The following KIAA1549 variants were observed in gnomAD, a reference collection of about 807,000 sequenced individuals.
KIAA1549 encodes the protein UPF0606 protein KIAA1549.
KIAA1549 carries 70 observed loss-of-function variants against 156.4 expected under a neutral mutation model. That is an observed-to-expected ratio of 0.45 (90% CI 0.37 to 0.55). The LOEUF (loss-of-function observed/expected upper bound fraction) is 0.55, where lower values mean the gene tolerates loss of function less well. Among genes scored for constraint, KIAA1549 ranks in the 20% least tolerant of loss-of-function variants. The pLI, the probability that KIAA1549 is intolerant of heterozygous loss-of-function variation, is 0.00. For synonymous variants in KIAA1549, 1,103 were observed against 1,066.4 expected (o/e 1.03, Z -0.67); for missense variants, 2,428 against 2,540.9 (o/e 0.96, Z 0.96).
At chr7:138,921,228 G>T (rs1028984543) in intron 1 of KIAA1549, among the ~76,000 whole-genome samples, 2 of 152,172 alleles carry the variant, frequency 1.3e-5, no homozygotes, top group African/African-American at 4.8e-5. Flanking sequence ...GCAAAAACAG[G>T]CATCGGTTTC....
intron 16 of KIAA1549, 31 bp from the exon 17 acceptor site, chr7:138,852,300 A>T (rs1300753839): frequency 6.8e-7 from 1 of 1,459,990 alleles, no homozygotes; most frequent in Non-Finnish European, 9.5e-7. Flanking sequence ...CATGAAGATT[A>T]ATATTCAATA....
At chr7:138,939,357 T>G (rs1381024253) in intron 1 of KIAA1549, among the ~76,000 whole-genome samples, 1 of 152,232 alleles carries the variant, frequency 6.6e-6, no homozygotes, top group Admixed American at 6.5e-5. Flanking sequence ...ACAAGGTACA[T>G]ACAATGCTTT....
rs188422158 is a variant in KIAA1549 at position 138,836,722 on chromosome 7, G to C, written c.*1184C>G. On this transcript the variant is annotated 3_prime_UTR_variant, in exon 20 of 20. Transcript: ENST00000422774. ...ACAATTTTAATAGCCACTCGACAGA[G>C]TAACAGCACAATAAAATCAGAAATG... is the stretch of plus-strand genomic sequence containing the variant. 2 of 218,484 alleles carry C rather than the reference G, an allele frequency of 9.2e-6. No individual in the cohort carries two copies. The highest frequency in any genetic ancestry group is 1.2e-4 in the Admixed American group (2 of 17,302). 13.5% of individuals were successfully genotyped at this position (218,484 alleles called of 1,614,324 possible).
At chr7:138,878,343 T>G (rs760243701) in intron 12 of KIAA1549, among the ~76,000 whole-genome samples, 1 of 152,176 alleles carries the variant, frequency 6.6e-6, no homozygotes, top group Non-Finnish European at 1.5e-5. Flanking sequence ...AGCGTGTCAG[T>G]GAGAGGAGAG....
intron 5 of KIAA1549, among the ~76,000 whole-genome samples, chr7:138,907,883 G>T (rs1481725378): frequency 6.6e-6 from 1 of 152,114 alleles, no homozygotes; most frequent in South Asian, 2.1e-4. Flanking sequence ...AGCTAGCTCT[G>T]CCCTGAGACA....
At chr7:138,900,206 C>T (rs11979694) in intron 8 of KIAA1549, among the ~76,000 whole-genome samples, 34,784 of 152,116 alleles carry the variant, frequency 0.23, 4,682 homozygotes, top group African/African-American at 0.37. Context: ...AGCAATTTCA[C>T]GATTTCACTG....
intron 17 of KIAA1549, among the ~76,000 whole-genome samples, chr7:138,847,093 T>C (rs1013017618): frequency 1.3e-5 from 2 of 152,180 alleles, no homozygotes; most frequent in African/African-American, 4.8e-5. Flanking sequence ...ACCCACAAAC[T>C]AGCTCTTGCC....
At position 138,869,683 on chromosome 7, in the gene KIAA1549, G is replaced by A. The variant is rs1810867171; in HGVS notation, c.4630C>T (p.His1544Tyr). 1.2e-6 allele frequency: 2 copies of A among 1,612,438 alleles called. No individual in the cohort carries two copies. Among genetic ancestry groups the A allele is most frequent in the Admixed American group, 3.3e-5 (2 of 60,028 alleles). Residue 1544 changes from histidine (H) to tyrosine (Y), a missense_variant, in exon 14 of 20, where the codon CAC becomes TAC. This residue lies in a region of KIAA1549 where 404 missense variants were observed against 417.0 expected (regional missense o/e 0.97). Coordinates refer to ENST00000422774, the MANE Select transcript of KIAA1549 (RefSeq NM_001164665.2). ...KIRLRAKRRG[H>Y]YEFPVVDDLS... is the part of the protein sequence containing the mutation. ...TCGTCTACCACCGGGAACTCGTAGT[G>A]CCCGCGGCGCTTGGCGCGCAGGCGG...
rs79234060 is a variant in KIAA1549 at position 138,919,222 on chromosome 7, G to T, written c.404C>A (p.Pro135His). The T allele has an allele frequency of 2.1e-4, 336 of 1,613,946 alleles. 3 individuals carry two copies. The African/African-American group carries it at 4.1e-3, about 20-fold the overall frequency. The part of the protein sequence containing the change: ...QGKQTKSTAD[P>H]SIFVATYVSV... ...CACGTAAGTTGCCACAAAGATGCTG[G>T]GATCTGCTGTACTTTTGGTCTGTTT... Residue 135 changes from proline (P) to histidine (H), a missense_variant, in exon 2 of 20, where the codon CCC (proline) becomes CAC (histidine). Around this residue, in one of 5 missense-constraint regions of KIAA1549, gnomAD observed 893 missense variants for 847.9 expected, o/e 1.05. Coordinates refer to ENST00000422774, the MANE Select transcript of KIAA1549 (RefSeq NM_001164665.2).
intron 2 of KIAA1549, among the ~76,000 whole-genome samples, chr7:138,914,011 G>C (rs1812243841): frequency 7.2e-6 from 1 of 138,370 alleles, no homozygotes; most frequent in African/African-American, 2.6e-5. Flanking sequence ...AGGAAAGAAG[G>C]AAGGAAGGAA....
chr7:138,909,409 CAT>C (rs1179157988), intron 4 of KIAA1549, among the ~76,000 whole-genome samples: 1 of 152,152 alleles, frequency 6.6e-6, no homozygotes, highest in African/African-American at 2.4e-5. Context: ...ACATTTCAAA[CAT>C]ATATAAATTC....
intron 16 of KIAA1549, among the ~76,000 whole-genome samples, chr7:138,855,228 G>A (rs1810353063): frequency 6.6e-6 from 1 of 152,206 alleles, no homozygotes; most frequent in Non-Finnish European, 1.5e-5. Context: ...CGCAAGACAA[G>A]CTAAGCTAAG....
chr7:138,926,221 C>G (rs1039670513), intron 1 of KIAA1549, among the ~76,000 whole-genome samples: 2 of 152,202 alleles, frequency 1.3e-5, no homozygotes, highest in African/African-American at 2.4e-5. Flanking sequence ...AGTTTACCAA[C>G]AAAAGCAGTT....
At position 138,891,113 on chromosome 7, in the gene KIAA1549, CT is replaced by C. The variant is rs1454787898; in HGVS notation, c.4032+3228del. 4.6e-5 allele frequency among the ~76,000 whole-genome samples: 7 copies of C among 152,370 alleles called. 1 individual carries two copies. The highest frequency in any genetic ancestry group is 1.7e-4 in the African/African-American group (7 of 41,586). ...ACATCCTTATACTCCTGGATGTCTGCTTTCGGATGGCTCGTCCTTCTCCCTT... is the reference window on the plus strand; with the variant it reads ...ACATCCTTATACTCCTGGATGTCTGCTTCGGATGGCTCGTCCTTCTCCCTT... On this transcript the variant is annotated intron_variant, in intron 10 of 19. Transcript: ENST00000422774.
chr7:138,952,711 AGCTCTGGCTCTGATTACTTGTTACTTTG>A (rs1813536958), intron 1 of KIAA1549, among the ~76,000 whole-genome samples: 1 of 152,228 alleles, frequency 6.6e-6, no homozygotes, highest in African/African-American at 2.4e-5. Flanking sequence ...TGGAGACACT[AGCTCTGGCTCTGATTACTTGTTACTTTG>A]TGATATCTTG....
At chr7:138,849,316 T>TA (rs1810169718) in intron 17 of KIAA1549, among the ~76,000 whole-genome samples, 1 of 152,108 alleles carries the variant, frequency 6.6e-6, no homozygotes, top group East Asian at 1.9e-4. Flanking sequence ...CATCTTTTTT[T>TA]ACATCTTGAG....
At chr7:138,938,785 C>T (rs917238410) in intron 1 of KIAA1549, among the ~76,000 whole-genome samples, 13 of 152,222 alleles carry the variant, frequency 8.5e-5, no homozygotes, top group East Asian at 1.9e-4. Flanking sequence ...CAGTGGCTCA[C>T]GCCTATAATC....
intron 1 of KIAA1549, among the ~76,000 whole-genome samples, chr7:138,962,126 A>G (rs1813871894): frequency 6.6e-6 from 1 of 152,162 alleles, no homozygotes; most frequent in Non-Finnish European, 1.5e-5. Context: ...ATTGTACTGG[A>G]TAGGGTTATC....
chr7:138,871,156 C>A lies in KIAA1549; in HGVS notation c.4551+1G>T. ...ACAGACTTTTAAATAAAAGCAAATACCTCTTTGTTGATTTTATTGCTTTCC... is the reference window on the plus strand; with the variant it reads ...ACAGACTTTTAAATAAAAGCAAATAACTCTTTGTTGATTTTATTGCTTTCC... On this transcript the variant is annotated splice_donor_variant, in intron 13 of 19. Transcript: ENST00000422774. LOFTEE classifies it high-confidence loss of function. The A allele has an allele frequency of 6.2e-7, 1 of 1,610,594 alleles. No homozygotes were observed. Among genetic ancestry groups the A allele is most frequent in the Non-Finnish European group, 8.5e-7 (1 of 1,179,716 alleles).
Sources: allele counts gnomAD v4.1 joint callset (sites outside exome capture counted in the v4.1 genomes callset), GRCh38; gene constraint gnomAD v4.1.1; regional missense constraint gnomAD v4.1.1; transcripts MANE v1.5; gene names NCBI Gene and HGNC (gene_info 2026-07-23, HGNC 2026-07-21).